MAGI1: variants seen among roughly 807,000 people sequenced by gnomAD.
The protein encoded by MAGI1 is membrane associated guanylate kinase, WW and PDZ domain containing 1, also known as membrane-associated guanylate kinase, WW and PDZ domain-containing protein 1.
In MAGI1, 58 loss-of-function variants were observed where a neutral mutation model predicts 139.9. The ratio of observed to expected loss-of-function variants is 0.41; its 90% CI spans 0.34 to 0.52. The LOEUF is 0.52. MAGI1 is among the 20% of genes least tolerant of loss of function. MAGI1 has a pLI of 0.12. For missense variants in MAGI1, 1,874 were observed against 1,901.6 expected (o/e 0.99, Z 0.27); for synonymous variants, 812 against 737.9 (o/e 1.10, Z -1.63).
intron 1 of MAGI1, among the ~76,000 whole-genome samples, chr3:66,026,131 T>C (rs765914557): frequency 6.6e-6 from 1 of 151,904 alleles, no homozygotes; most frequent in African/African-American, 2.4e-5. Context: ...GAAATGAACA[T>C]GCTCTCCCTA....
rs912420286 is a variant in MAGI1 at position 65,441,121 on chromosome 3, C to T, written c.1137-1109G>A. On this transcript the variant is annotated intron_variant, in intron 8 of 22. Coordinates refer to ENST00000402939, the MANE Select transcript of MAGI1 (RefSeq NM_001033057.2). ...GATTTCAAGCGTGCATCACCATACC[C>T]GGCTAATTTTTGTATTTTCAGTAGA... Among the ~76,000 whole-genome samples, 49 of 151,992 alleles carry T rather than the reference C, an allele frequency of 3.2e-4. 2 individuals are homozygous for T. The highest frequency in any genetic ancestry group is 1.7e-3 in the Admixed American group (26 of 15,262).
intron 1 of MAGI1, among the ~76,000 whole-genome samples, chr3:65,900,734 A>G (rs1055828680): frequency 5.9e-5 from 9 of 152,208 alleles, no homozygotes; most frequent in African/African-American, 2.2e-4. Flanking sequence ...TACAAAAGAC[A>G]TACTTTCAGC....
rs755079504 is a variant in MAGI1, at chr3:65,429,846, G to T, written c.1841C>A (p.Ala614Glu). The part of the protein sequence containing the change: ...GMKDARPSSP[A>E]DVASNSSHGY... ...ATGAGAACTATTTGAAGCCACGTCCGCTGGGCTGCTTGGCCTGGCATCCTT... is the reference window on the plus strand; with the variant it reads ...ATGAGAACTATTTGAAGCCACGTCCTCTGGGCTGCTTGGCCTGGCATCCTT... The change falls in exon 12 of 23, where the codon GCG becomes GAG. Residue 614 changes from alanine to glutamate, a missense_variant. Coordinates refer to ENST00000402939, the MANE Select transcript of MAGI1 (RefSeq NM_001033057.2). The T allele has an allele frequency of 6.2e-7, 1 of 1,614,022 alleles. No individual in the cohort carries two copies. The highest frequency in any genetic ancestry group is 8.5e-7 in the Non-Finnish European group (1 of 1,179,962).
At chr3:65,687,225 T>C (rs139194788) in intron 1 of MAGI1, 22 of 174,740 alleles carry the variant, frequency 1.3e-4, no homozygotes, top group Admixed American at 4.9e-4. Context: ...CAAGATCCTG[T>C]CTCAAGATTT....
chr3:65,469,300 T>C (rs1575876965), intron 5 of MAGI1, among the ~76,000 whole-genome samples: 2 of 152,302 alleles, frequency 1.3e-5, no homozygotes, highest in Middle Eastern at 3.4e-3. Context: ...GTATAACAGA[T>C]GAATCTGTGG....
chr3:65,503,412 T>C (rs548295742), intron 2 of MAGI1, among the ~76,000 whole-genome samples: 4 of 152,202 alleles, frequency 2.6e-5, no homozygotes, highest in Non-Finnish European at 5.9e-5. Context: ...CCATTTTGAA[T>C]AATGGGGCAT....
chr3:65,987,776 C>G (rs2065955647), intron 1 of MAGI1, among the ~76,000 whole-genome samples: 1 of 152,032 alleles, frequency 6.6e-6, no homozygotes, highest in Non-Finnish European at 1.5e-5. Flanking sequence ...CCCACATTGC[C>G]CAGGCTAGTC....
intron 2 of MAGI1, among the ~76,000 whole-genome samples, chr3:65,594,044 A>G (rs564888007): frequency 6.6e-6 from 1 of 152,264 alleles, no homozygotes; most frequent in East Asian, 1.9e-4. Context: ...GTCAGGTAAC[A>G]TTTTCTCCAT....
At chr3:65,740,172 C>G (rs2035136340) in intron 1 of MAGI1, among the ~76,000 whole-genome samples, 2 of 152,174 alleles carry the variant, frequency 1.3e-5, no homozygotes, top group African/African-American at 4.8e-5. Flanking sequence ...AACCCATATT[C>G]ATTTTTCTGC....
At chr3:65,977,342 C>G (rs1237838072) in intron 1 of MAGI1, among the ~76,000 whole-genome samples, 1 of 152,180 alleles carries the variant, frequency 6.6e-6, no homozygotes, top group Non-Finnish European at 1.5e-5. Flanking sequence ...GGTAAGTATG[C>G]TTTCAGTGTC....
chr3:65,647,535 T>C (rs993355390), intron 1 of MAGI1, among the ~76,000 whole-genome samples: 1 of 152,040 alleles, frequency 6.6e-6, no homozygotes, highest in African/African-American at 2.4e-5. Flanking sequence ...TCCAGCAATA[T>C]ATGAAAACAA....
intron 2 of MAGI1, among the ~76,000 whole-genome samples, chr3:65,511,293 C>G (rs946120695): frequency 4.0e-5 from 6 of 149,412 alleles, no homozygotes; most frequent in Non-Finnish European, 3.0e-5. Context: ...GGATCAAATT[C>G]ACACATAACA....
At chr3:65,850,058 T>C (rs1291399634) in intron 1 of MAGI1, among the ~76,000 whole-genome samples, 1 of 152,206 alleles carries the variant, frequency 6.6e-6, no homozygotes, top group Non-Finnish European at 1.5e-5. Flanking sequence ...GGTCATACCC[T>C]ATATTTTTTT....
chr3:65,497,206 A>G (rs1330399123), intron 2 of MAGI1, among the ~76,000 whole-genome samples: 3 of 152,206 alleles, frequency 2.0e-5, no homozygotes, highest in Non-Finnish European at 4.4e-5. Context: ...ATTTGAAGGC[A>G]AGAGACAGAA....
intron 5 of MAGI1, among the ~76,000 whole-genome samples, chr3:65,458,109 G>C (rs1448662608): frequency 6.6e-6 from 1 of 152,044 alleles, no homozygotes; most frequent in Non-Finnish European, 1.5e-5. Context: ...TTCCACAAAG[G>C]TTGTCGCAAA....
rs2069050879 is a variant in MAGI1 at position 66,038,235 on chromosome 3, T to C, written c.74A>G (p.Gln25Arg). The change falls in exon 1 of 23, where the codon CAG (glutamine) becomes CGG (arginine). Residue 25 changes from glutamine to arginine, a missense_variant. Physicochemically the swap from Gln to Arg is conservative, Grantham distance 43 (BLOSUM62 1). Transcript: ENST00000402939. ...CAGCACCGTCACCCCCAGCTCGCCC[T>C]GGGGTCCCCGCTTCACGGTGCATTC... ...VHECTVKRGP[Q>R]GELGVTVLGG... is the part of the protein sequence containing the mutation. 2 of 1,611,572 alleles carry C rather than the reference T, an allele frequency of 1.2e-6. No homozygotes were observed. The highest frequency in any genetic ancestry group is 8.5e-7 in the Non-Finnish European group (1 of 1,179,378).
intron 2 of MAGI1, among the ~76,000 whole-genome samples, chr3:65,526,329 T>C (rs943555076): frequency 1.3e-5 from 2 of 152,290 alleles, no homozygotes; most frequent in East Asian, 3.9e-4. Context: ...GTCACTGAAA[T>C]GGCTATTCCT....
At chr3:65,439,643 T>C (rs1412749187) in intron 9 of MAGI1, among the ~76,000 whole-genome samples, 1 of 152,198 alleles carries the variant, frequency 6.6e-6, no homozygotes, top group Non-Finnish European at 1.5e-5. Context: ...GATCTAATGA[T>C]GCTCCTTTCT....
At chr3:65,588,171 C>T (rs1414927023) in intron 2 of MAGI1, among the ~76,000 whole-genome samples, 3 of 152,068 alleles carry the variant, frequency 2.0e-5, no homozygotes, top group Non-Finnish European at 4.4e-5. Context: ...ACGATGAAAA[C>T]GGGAAGCTGC....
Sources: allele counts gnomAD v4.1 joint callset (sites outside exome capture counted in the v4.1 genomes callset), GRCh38; gene constraint gnomAD v4.1.1; transcripts MANE v1.5; gene names NCBI Gene and HGNC (gene_info 2026-07-23, HGNC 2026-07-21).